The following SEMA5A variants were observed in gnomAD, a reference collection of about 807,000 sequenced individuals.
SEMA5A encodes semaphorin 5A, also known as semaphorin-5A.
Under a neutral mutation model 135.5 loss-of-function variants are expected in SEMA5A, and 55 were observed. The observed-to-expected ratio is 0.41, with a 90% CI of 0.33 to 0.51. The LOEUF (loss-of-function observed/expected upper bound fraction) is 0.51. SEMA5A is among the 20% of genes least tolerant of loss of function. The pLI, the probability that SEMA5A is intolerant of heterozygous loss-of-function variation, is 0.37. For synonymous variants in SEMA5A, 580 were observed against 546.5 expected (o/e 1.06, Z -0.85); for missense variants, 1,290 against 1,419.9 (o/e 0.91, Z 1.47).
intron 1 of SEMA5A, among the ~76,000 whole-genome samples, chr5:9,535,098 T>C (rs1428593916): frequency 6.6e-6 from 1 of 152,194 alleles, no homozygotes; most frequent in African/African-American, 2.4e-5. Context: ...CCCAGCTTCA[T>C]CCTGAAGATC....
At chr5:9,137,696 G>C (rs954758091) in intron 12 of SEMA5A, among the ~76,000 whole-genome samples, 1 of 152,168 alleles carries the variant, frequency 6.6e-6, no homozygotes, top group Non-Finnish European at 1.5e-5. Context: ...ACTAGTCAAG[G>C]ACTAGAAATC....
chr5:9,437,403 C>T (rs1306234487), intron 2 of SEMA5A, among the ~76,000 whole-genome samples: 1 of 152,094 alleles, frequency 6.6e-6, no homozygotes. Context: ...GTTGCCCAGG[C>T]TGGAGTGCAG....
chr5:9,153,586 C>G (rs1365464362), intron 12 of SEMA5A, among the ~76,000 whole-genome samples: 1 of 149,454 alleles, frequency 6.7e-6, no homozygotes, highest in Non-Finnish European at 1.5e-5. Context: ...TCCAGGGGAG[C>G]TGGTGCCAAG....
intron 14 of SEMA5A, 43 bp downstream of exon 14, chr5:9,122,613 T>A: frequency 7.0e-7 from 1 of 1,431,106 alleles, no homozygotes; most frequent in Admixed American, 2.3e-5. Flanking sequence ...AGAATCTGAG[T>A]TTAATACACA....
chr5:9,487,727 T>C (rs1734803447), intron 1 of SEMA5A, among the ~76,000 whole-genome samples: 1 of 152,192 alleles, frequency 6.6e-6, no homozygotes, highest in African/African-American at 2.4e-5. Flanking sequence ...TATTGCTTAG[T>C]AGAATTTTAT....
chr5:9,345,805 C>CTGTATATGTATATATATGTATATAAGT (rs1284442015), intron 3 of SEMA5A, among the ~76,000 whole-genome samples: 2 of 152,036 alleles, frequency 1.3e-5, no homozygotes, highest in Non-Finnish European at 2.9e-5. Context: ...TAAGTATATA[C>CTGTATATGTATATATATGTATATAAGT]ACAATACATA....
rs1269995828 is a variant in SEMA5A, at chr5:9,122,740, C to T, written c.1697G>A (p.Arg566Gln). 6.2e-7 allele frequency: 1 copy of T among 1,613,636 alleles called. No homozygotes were observed. The highest frequency in any genetic ancestry group is 1.1e-5 in the South Asian group (1 of 90,998). Residue 566 changes from arginine (R) to glutamine (Q), a missense_variant, in exon 14 of 23, where the codon CGA becomes CAA. Coordinates refer to ENST00000382496, the MANE Select transcript of SEMA5A (RefSeq NM_003966.3). Reference protein sequence around the residue: ...DGSAVGSCLCRTRSCDSPAPQ... With the variant: ...DGSAVGSCLCQTRSCDSPAPQ... Reference sequence around the variant, plus strand: ...GGCCGGGCTGTCGCAGGAGCGGGTTCGACAGAGGCAGGATCCCACGGCGCT... The same window carrying T: ...GGCCGGGCTGTCGCAGGAGCGGGTTTGACAGAGGCAGGATCCCACGGCGCT...
intron 5 of SEMA5A, chr5:9,265,478 C>A (rs1749637002): frequency 4.4e-6 from 2 of 456,238 alleles, no homozygotes; most frequent in Non-Finnish European, 8.8e-6. Context: ...CTGTGATGTT[C>A]AACTCTTCTG....
chr5:9,084,650 A>G (rs1446042293), intron 16 of SEMA5A, among the ~76,000 whole-genome samples: 1 of 152,228 alleles, frequency 6.6e-6, no homozygotes, highest in Non-Finnish European at 1.5e-5. Context: ...TGTAAGTCCA[A>G]TAAACCTCTT....
At chr5:9,488,729 A>G (rs986360677) in intron 1 of SEMA5A, among the ~76,000 whole-genome samples, 2 of 152,290 alleles carry the variant, frequency 1.3e-5, no homozygotes, top group East Asian at 3.9e-4. Context: ...TATATTCTAG[A>G]ATAAAATTTT....
intron 5 of SEMA5A, among the ~76,000 whole-genome samples, chr5:9,238,766 A>G (rs1748048804): frequency 6.6e-6 from 1 of 151,144 alleles, no homozygotes. Context: ...TATTTTTTTC[A>G]TTCTCCATAC....
At chr5:9,146,908 GATA>G (rs1560960695) in intron 12 of SEMA5A, among the ~76,000 whole-genome samples, 2 of 152,150 alleles carry the variant, frequency 1.3e-5, no homozygotes, top group African/African-American at 4.8e-5. Flanking sequence ...ATTCTGAGGG[GATA>G]ATATTTACTT....
intron 5 of SEMA5A, among the ~76,000 whole-genome samples, chr5:9,254,303 C>T (rs780014211): frequency 5.3e-5 from 8 of 152,100 alleles, no homozygotes; most frequent in African/African-American, 9.7e-5. Context: ...AAGGTATATA[C>T]TGTAAGAACA....
chr5:9,519,027 T>G (rs1223797211), intron 1 of SEMA5A, among the ~76,000 whole-genome samples: 1 of 152,198 alleles, frequency 6.6e-6, no homozygotes, highest in African/African-American at 2.4e-5. Context: ...TATAAAGCCA[T>G]AAATATAATT....
chr5:9,522,176 T>C (rs1234024194), intron 1 of SEMA5A, among the ~76,000 whole-genome samples: 2 of 152,104 alleles, frequency 1.3e-5, no homozygotes, highest in Non-Finnish European at 2.9e-5. Context: ...AACTTCCATG[T>C]AGAAAGGCAA....
chr5:9,412,199 C>T (rs1244134865), intron 2 of SEMA5A, among the ~76,000 whole-genome samples: 1 of 152,076 alleles, frequency 6.6e-6, no homozygotes, highest in South Asian at 2.1e-4. Flanking sequence ...GGTGATTCCC[C>T]GTCTCAGTAA....
chr5:9,293,728 G>A (rs1180497584), intron 5 of SEMA5A, among the ~76,000 whole-genome samples: 1 of 152,142 alleles, frequency 6.6e-6, no homozygotes, highest in Non-Finnish European at 1.5e-5. Context: ...TCTGCCATAT[G>A]TCTAATTTAG....
rs1338805863 is a variant in SEMA5A, at chr5:9,353,221, GAAAGGA to G, written c.125-15415_125-15410del. Among the ~76,000 whole-genome samples, 324 of 137,618 alleles carry G rather than the reference GAAAGGA, an allele frequency of 2.4e-3. 10 individuals carry two copies. Among genetic ancestry groups the G allele is most frequent in the African/African-American group, 9.0e-3 (311 of 34,580 alleles). The allele number at this position is 137,618 out of a possible 152,430, so 90.3% of individuals were successfully genotyped here. A position where few individuals can be genotyped will look rare whatever the true frequency, so the allele number is the denominator to read the frequency against. ...GAAAGGAAAGGAAAGGAAAGGAAAG[GAAAGGA>G]AAGGAAAGGAAGGAAAGGGAAGGGA... On this transcript the variant is annotated intron_variant, in intron 3 of 22. Transcript: ENST00000382496.
intron 1 of SEMA5A, among the ~76,000 whole-genome samples, chr5:9,453,919 GTTCAC>G (rs1561265790): frequency 6.6e-6 from 1 of 152,188 alleles, no homozygotes; most frequent in African/African-American, 2.4e-5. Flanking sequence ...AGTTTTTTCA[GTTCAC>G]TCAGAAGAGT....
Sources: allele counts gnomAD v4.1 joint callset (sites outside exome capture counted in the v4.1 genomes callset), GRCh38; gene constraint gnomAD v4.1.1; transcripts MANE v1.5; gene names NCBI Gene and HGNC (gene_info 2026-07-23, HGNC 2026-07-21).